Variants in DPP10 observed in about 807,000 individuals in gnomAD.
The protein encoded by DPP10 is dipeptidyl peptidase like 10, also known as inactive dipeptidyl peptidase 10.
DPP10 carries 33 observed loss-of-function variants against 120.9 expected under a neutral mutation model. That is an observed-to-expected ratio of 0.27 (90% CI 0.21 to 0.37). The LOEUF (loss-of-function observed/expected upper bound fraction) is 0.37. Ranked by LOEUF, DPP10 falls within the 10% of genes least tolerant of loss-of-function variation. The pLI is 1.00. For missense variants in DPP10, 816 were observed against 942.8 expected, an observed-to-expected ratio of 0.87 and a Z score of 1.76; for synonymous variants, 337 against 326.1, an observed-to-expected ratio of 1.03 and a Z score of -0.36.
intron 5 of DPP10, among the ~76,000 whole-genome samples, chr2:115,588,829 C>T (rs934840707): frequency 2.0e-5 from 3 of 152,046 alleles, no homozygotes; most frequent in Non-Finnish European, 4.4e-5. Context: ...TTTCCATGCT[C>T]AAGTTTGTAA....
At chr2:115,073,988 G>A (rs1034832289) in intron 1 of DPP10, among the ~76,000 whole-genome samples, 2 of 152,172 alleles carry the variant, frequency 1.3e-5, no homozygotes, top group Non-Finnish European at 2.9e-5. Flanking sequence ...AAGGTTGGCT[G>A]TTTTAATTTT....
At chr2:115,384,128 C>A (rs1001881546) in intron 3 of DPP10, among the ~76,000 whole-genome samples, 53 of 152,162 alleles carry the variant, frequency 3.5e-4, no homozygotes, top group Admixed American at 3.5e-3. Context: ...TTTCTCCCAT[C>A]TCCTGCTCTC....
intron 1 of DPP10, among the ~76,000 whole-genome samples, chr2:114,493,394 G>A (rs1023935181): frequency 2.6e-5 from 4 of 152,122 alleles, no homozygotes; most frequent in Non-Finnish European, 5.9e-5. Flanking sequence ...CTTTCAAGAA[G>A]AAAAATCCAG....
In DPP10 at chr2:114,778,821, G is replaced by T. The variant is rs116026981; in HGVS notation, c.60+335983G>T. ...AGATAAAATGGATTTGATGAGTCTT[G>T]CCAGCCTCTGCCATAGGGTTCTAGC... On this transcript the variant is annotated intron_variant, in intron 1 of 25. Coordinates refer to ENST00000410059, the MANE Select transcript of DPP10 (RefSeq NM_020868.6). 4.6e-3 allele frequency among the ~76,000 whole-genome samples: 696 copies of T among 152,142 alleles called. 5 individuals carry two copies. The highest frequency in any genetic ancestry group is 0.016 in the African/African-American group (670 of 41,526).
chr2:115,045,532 G>A (rs189525879), intron 1 of DPP10, among the ~76,000 whole-genome samples: 1 of 152,194 alleles, frequency 6.6e-6, no homozygotes, highest in East Asian at 1.9e-4. Context: ...ATTCTGCCCT[G>A]TGTTGCTTTC....
chr2:114,545,750 C>T (rs1249012356), intron 1 of DPP10, among the ~76,000 whole-genome samples: 1 of 152,212 alleles, frequency 6.6e-6, no homozygotes, highest in Non-Finnish European at 1.5e-5. Flanking sequence ...AGGTTAAGCA[C>T]TGCTACTGCT....
intron 5 of DPP10, chr2:115,526,246 T>C: frequency 3.0e-6 from 1 of 331,168 alleles, no homozygotes; most frequent in South Asian, 5.9e-5. Context: ...GTTTAGCAAA[T>C]CCAACAAATG....
chr2:115,621,617 T>C (rs1367523865), intron 5 of DPP10, among the ~76,000 whole-genome samples: 1 of 152,224 alleles, frequency 6.6e-6, no homozygotes, highest in Non-Finnish European at 1.5e-5. Flanking sequence ...GCACAATTTT[T>C]TTTCACAGAG....
chr2:115,334,552 A>T (rs868390731), intron 2 of DPP10, among the ~76,000 whole-genome samples: 10 of 151,890 alleles, frequency 6.6e-5, no homozygotes, highest in African/African-American at 2.4e-4. Context: ...ACTTCTGAAA[A>T]GAGACTTTTC....
chr2:115,354,778 C>G (rs1041374517), intron 3 of DPP10, among the ~76,000 whole-genome samples: 1 of 151,962 alleles, frequency 6.6e-6, no homozygotes. Flanking sequence ...TCAACTCCCA[C>G]TTATGAGTGA....
intron 15 of DPP10, among the ~76,000 whole-genome samples, chr2:115,779,758 T>A (rs2149858644): frequency 6.6e-6 from 1 of 152,140 alleles, no homozygotes; most frequent in Admixed American, 6.6e-5. Flanking sequence ...AATGTTATGT[T>A]ATACAGGTTT....
intron 3 of DPP10, among the ~76,000 whole-genome samples, chr2:115,442,742 C>A (rs573485578): frequency 5.5e-4 from 84 of 152,276 alleles, no homozygotes; most frequent in African/African-American, 1.9e-3. Flanking sequence ...CTCTCCCTTA[C>A]AACGATATTA....
At chr2:115,484,935 G>T (rs759684841) in intron 3 of DPP10, among the ~76,000 whole-genome samples, 1 of 151,798 alleles carries the variant, frequency 6.6e-6, no homozygotes, top group Admixed American at 6.6e-5. Flanking sequence ...CTTGTATATC[G>T]TGTCACGTGC....
intron 1 of DPP10, among the ~76,000 whole-genome samples, chr2:114,713,130 G>A (rs1701132425): frequency 6.6e-6 from 1 of 151,864 alleles, no homozygotes; most frequent in African/African-American, 2.4e-5. Flanking sequence ...GGGATTACCG[G>A]TGTCCACCAC....
chr2:114,778,066 T>A (rs1423864382), intron 1 of DPP10, among the ~76,000 whole-genome samples: 1 of 152,100 alleles, frequency 6.6e-6, no homozygotes, highest in Admixed American at 6.5e-5. Flanking sequence ...ATCTTAAACA[T>A]GTCCAAGAAA....
At chr2:114,918,587 T>C (rs572006166) in intron 1 of DPP10, among the ~76,000 whole-genome samples, 15 of 152,276 alleles carry the variant, frequency 9.9e-5, no homozygotes, top group South Asian at 6.2e-4. Context: ...AAATGCAGCA[T>C]ACATACACCA....
intron 1 of DPP10, among the ~76,000 whole-genome samples, chr2:114,482,340 C>T (rs142856099): frequency 6.6e-5 from 10 of 152,124 alleles, no homozygotes; most frequent in Non-Finnish European, 1.2e-4. Context: ...TCTATTTTTG[C>T]CTATTTATTA....
rs967040422 is a variant in DPP10 at position 115,408,865 on chromosome 2, A to C, written c.271+64953A>C. On this transcript the variant is annotated intron_variant, in intron 3 of 25. Transcript: ENST00000410059. Reference sequence around the variant, plus strand: ...AGCCTTAATTTTAAAAAACATAAAAAATTTAATGTTAAGAATGTAAGATTC... The same window carrying C: ...AGCCTTAATTTTAAAAAACATAAAACATTTAATGTTAAGAATGTAAGATTC... 2.0e-5 allele frequency among the ~76,000 whole-genome samples: 3 copies of C among 152,114 alleles called. No individual in the cohort carries two copies. The East Asian group carries it at 5.8e-4, about 29-fold the overall frequency.
chr2:115,694,620 GA>G (rs932238753), intron 7 of DPP10, among the ~76,000 whole-genome samples: 19 of 152,276 alleles, frequency 1.2e-4, no homozygotes, highest in African/African-American at 3.6e-4. Context: ...TTGGGAAGAG[GA>G]ATCTGGGAAT....
Sources: allele counts gnomAD v4.1 joint callset (sites outside exome capture counted in the v4.1 genomes callset), GRCh38; gene constraint gnomAD v4.1.1; transcripts MANE v1.5; gene names NCBI Gene and HGNC (gene_info 2026-07-23, HGNC 2026-07-21).